The following HHLA1 variants were observed in gnomAD, a reference collection of about 807,000 sequenced individuals.
HHLA1 encodes HERV-H LTR-associating protein 1.
HHLA1 carries 72 observed loss-of-function variants against 69.9 expected under a neutral mutation model. The ratio of observed to expected loss-of-function variants is 1.03; its 90% CI spans 0.85 to 1.25. The LOEUF is 1.25. HHLA1 is among the 50% of genes most tolerant of loss of function. HHLA1 has a pLI of 0.00. For synonymous variants in HHLA1, 252 were observed against 233.2 expected (o/e 1.08, Z -0.73); for missense variants, 685 against 642.2 (o/e 1.07, Z -0.72).
At chr8:132,081,576 T>A (rs1413007858) in intron 10 of HHLA1, among the ~76,000 whole-genome samples, 1 of 152,182 alleles carries the variant, frequency 6.6e-6, no homozygotes, top group East Asian at 1.9e-4. Flanking sequence ...CAGACTGTAT[T>A]GAGGTGGGAA....
intron 1 of HHLA1, among the ~76,000 whole-genome samples, chr8:132,109,746 C>T (rs1258313962): frequency 6.6e-6 from 1 of 152,172 alleles, no homozygotes; most frequent in Non-Finnish European, 1.5e-5. Context: ...CCCTTGTCCA[C>T]AGTGTTCTGT....
intron 8 of HHLA1, among the ~76,000 whole-genome samples, chr8:132,088,961 G>A (rs1038102185): frequency 6.6e-6 from 1 of 152,162 alleles, no homozygotes; most frequent in Non-Finnish European, 1.5e-5. Flanking sequence ...AACAGTAGCT[G>A]CTCCACAGTG....
In HHLA1 at chr8:132,095,523, T is replaced by C; in HGVS notation, c.444A>G (p.Leu148=). The C allele has an allele frequency of 6.5e-7, 1 of 1,546,124 alleles. No homozygotes were observed. ...CYCLNNRTND[L]SDFTALLVDI... ...CTCATGGTAAGCTGTACCCACCTGA[T>C]AAGTCATTGGTCCGATTGTTTAAAC... The change falls in exon 7 of 17, where the codon TTA becomes TTG. Residue 148 remains leucine, a synonymous_variant. Transcript: ENST00000414222.
chr8:132,107,410 C>T (rs1004584940), intron 1 of HHLA1, among the ~76,000 whole-genome samples: 1 of 152,244 alleles, frequency 6.6e-6, no homozygotes, highest in Non-Finnish European at 1.5e-5. Context: ...AAATGGTTCT[C>T]ATGCCTTAGA....
At chr8:132,069,173 C>G (rs1025221423) in intron 15 of HHLA1, among the ~76,000 whole-genome samples, 1 of 152,110 alleles carries the variant, frequency 6.6e-6, no homozygotes, top group African/African-American at 2.4e-5. Context: ...CTTAGATGCT[C>G]CAGGCTACCC....
chr8:132,074,463 T>A lies in HHLA1; in HGVS notation c.1315+1592A>T, dbSNP rs140835977. Among the ~76,000 whole-genome samples the A allele has an allele frequency of 7.2e-5, 11 of 152,310 alleles. No individual in the cohort carries two copies. The East Asian group carries it at 2.1e-3, about 29-fold the overall frequency. Reference sequence around the variant, plus strand: ...TGTAGAACTCACCATAATTCCTGAATGAGATATTACCTCTCCTGCAGAATT... The same window carrying A: ...TGTAGAACTCACCATAATTCCTGAAAGAGATATTACCTCTCCTGCAGAATT... On this transcript the variant is annotated intron_variant, in intron 14 of 16. Coordinates refer to ENST00000414222, the MANE Select transcript of HHLA1 (RefSeq NM_001145095.3).
chr8:132,070,252 G>A (rs184889585), intron 15 of HHLA1: 1 of 693,202 alleles, frequency 1.4e-6, no homozygotes, highest in East Asian at 2.7e-5. Flanking sequence ...AGAAATAACA[G>A]TATGTCAGCA....
chr8:132,066,223 A>G (rs1823437105), intron 15 of HHLA1, among the ~76,000 whole-genome samples: 1 of 152,222 alleles, frequency 6.6e-6, no homozygotes, highest in Non-Finnish European at 1.5e-5. Context: ...GCATGACTTC[A>G]GGGTGATAAC....
intron 8 of HHLA1, among the ~76,000 whole-genome samples, chr8:132,088,517 C>T (rs189857693): frequency 3.3e-4 from 50 of 152,212 alleles, no homozygotes; most frequent in African/African-American, 1.1e-3. Flanking sequence ...TTTTCCCTGA[C>T]GATGCTGCCT....
chr8:132,096,326 G>C (rs942194293), intron 5 of HHLA1, among the ~76,000 whole-genome samples: 22 of 152,166 alleles, frequency 1.4e-4, no homozygotes, highest in Admixed American at 1.4e-3. Context: ...GGACCCTTGT[G>C]GTGGCATCCG....
intron 13 of HHLA1, 102 bp downstream of exon 13, chr8:132,076,373 G>T: frequency 1.2e-6 from 1 of 829,670 alleles, no homozygotes. Flanking sequence ...AACCTGCTTA[G>T]ATTGCTTACT....
At chr8:132,071,318 AG>A in intron 15 of HHLA1, 21 bp downstream of exon 15, 5 of 1,543,520 alleles carry the variant, frequency 3.2e-6, no homozygotes, top group Non-Finnish European at 4.4e-6. Context: ...CCATGTGAAA[AG>A]AAGCCACTGG....
chr8:132,070,967 T>G (rs1823529227), intron 15 of HHLA1, among the ~76,000 whole-genome samples: 1 of 152,010 alleles, frequency 6.6e-6, no homozygotes, highest in Admixed American at 6.6e-5. Context: ...TCCAGTCATC[T>G]CAACTCATCA....
At chr8:132,096,897 C>T (rs1384403006) in intron 5 of HHLA1, among the ~76,000 whole-genome samples, 4 of 152,138 alleles carry the variant, frequency 2.6e-5, no homozygotes, top group Non-Finnish European at 5.9e-5. Flanking sequence ...GCGGCCTCCA[C>T]CTCTCAGGCT....
At chr8:132,080,455 T>TG (rs1353548264) in intron 10 of HHLA1, 1 of 262,414 alleles carries the variant, frequency 3.8e-6, no homozygotes, top group Non-Finnish European at 7.4e-6. Context: ...AGGTGCTCAG[T>TG]GGGGGTGCTT....
Position 132,065,890 on chromosome 8 carries a change from C to A in HHLA1, c.1548G>T (p.Ser516=), listed in dbSNP as rs372608451. The A allele has an allele frequency of 3.1e-6, 4 of 1,294,322 alleles. No homozygotes were observed. The African/African-American group carries it at 6.1e-5, about 20-fold the overall frequency. The allele number at this position is 1,294,322 out of a possible 1,614,324, so 80.2% of individuals were successfully genotyped here. A position where few individuals can be genotyped will look rare whatever the true frequency, so the allele number is the denominator to read the frequency against. Reference sequence around the variant, plus strand: ...ATAGTCAAGCTGTGTACTTACTGTGCGAGTGGGACACCCTTTTCACCCTCT... The same window carrying A: ...ATAGTCAAGCTGTGTACTTACTGTGAGAGTGGGACACCCTTTTCACCCTCT... The part of the protein sequence containing the change: ...ICQRVKRVSH[S]HTLKQKCLEN... The change falls in exon 16 of 17, where the codon TCG becomes TCT. Residue 516 remains serine, a synonymous_variant. Transcript: ENST00000414222.
Position 132,079,803 on chromosome 8 carries a change from C to T in HHLA1, c.840G>A (p.Glu280=). 2 of 1,551,686 alleles carry T rather than the reference C, an allele frequency of 1.3e-6. No homozygotes were observed. Among genetic ancestry groups the T allele is most frequent in the Non-Finnish European group, 1.7e-6 (2 of 1,146,996 alleles). ...CAGGAGGCCTGCCTGTGTTCAGGGT[C>T]TCCTCTGTTTCTGAAGGAGCAGCTG... ...TETAAPSETE[E]TLNTGRPPEL... The change falls in exon 11 of 17, where the codon GAG becomes GAA. Residue 280 remains glutamate, a synonymous_variant. Transcript: ENST00000414222.
chr8:132,087,067 G>A (rs1382778091), intron 10 of HHLA1, among the ~76,000 whole-genome samples: 1 of 152,336 alleles, frequency 6.6e-6, no homozygotes, highest in Middle Eastern at 3.4e-3. Context: ...GCTGTGTTAT[G>A]GGACCGTAGA....
Position 132,062,048 on chromosome 8 carries a change from TAA to T in HHLA1, c.*1945_*1946del, listed in dbSNP as rs1398107722. ...ATCCATTCTTCACCTTCCTTGATGA[TAA>T]GTTACTCTTTGAGGAACCTTGAGGA... On this transcript the variant is annotated 3_prime_UTR_variant, in exon 17 of 17. Coordinates refer to ENST00000414222, the MANE Select transcript of HHLA1 (RefSeq NM_001145095.3). The T allele has an allele frequency of 6.6e-6, 1 of 152,224 alleles. No homozygotes were observed. Among genetic ancestry groups the T allele is most frequent in the African/African-American group, 2.4e-5 (1 of 41,466 alleles). 9.4% of individuals were successfully genotyped at this position (152,224 alleles called of 1,614,324 possible).
Sources: allele counts gnomAD v4.1 joint callset (sites outside exome capture counted in the v4.1 genomes callset), GRCh38; gene constraint gnomAD v4.1.1; transcripts MANE v1.5; gene names NCBI Gene and HGNC (gene_info 2026-07-23, HGNC 2026-07-21).